The following GPD2 variants were observed in gnomAD, a reference collection of about 807,000 sequenced individuals.
GPD2 encodes glycerol-3-phosphate dehydrogenase 2, also known as glycerol-3-phosphate dehydrogenase, mitochondrial.
GPD2 carries 54 observed loss-of-function variants against 82.4 expected under a neutral mutation model. That is an observed-to-expected ratio of 0.66 (90% CI 0.53 to 0.82). GPD2 has a LOEUF of 0.82. Among genes scored for constraint, GPD2 ranks in the 40% least tolerant of loss-of-function variants. The pLI, the probability that GPD2 is intolerant of heterozygous loss-of-function variation, is 0.00. For synonymous variants in GPD2, 288 were observed against 306.1 expected (o/e 0.94, Z 0.62); for missense variants, 748 against 896.2 (o/e 0.83, Z 2.11).
At chr2:156,428,999 A>G in the GPD2 span, among the ~76,000 whole-genome samples, 1 of 152,226 alleles carries the variant, frequency 6.6e-6, no homozygotes, top group Non-Finnish European at 1.5e-5. Context: ...CTAAGATACA[A>G]CATCCTCACT....
chr2:156,454,629 A>G (rs1457989022), intron 1 of GPD2, among the ~76,000 whole-genome samples: 1 of 152,214 alleles, frequency 6.6e-6, no homozygotes, highest in Non-Finnish European at 1.5e-5. Context: ...GGTGAAAGGA[A>G]CACTCAGAGA....
At chr2:156,446,315 C>T (rs1337237105) in intron 1 of GPD2, among the ~76,000 whole-genome samples, 3 of 151,980 alleles carry the variant, frequency 2.0e-5, no homozygotes, top group Non-Finnish European at 2.9e-5. Flanking sequence ...AGGCTGGTCT[C>T]GAACTCCTGA....
intron 1 of GPD2, among the ~76,000 whole-genome samples, chr2:156,463,716 A>G (rs1043116983): frequency 6.6e-5 from 10 of 152,170 alleles, no homozygotes; most frequent in Admixed American, 6.5e-4. Context: ...TTTTTAATTT[A>G]GAGTTTTGGG....
At chr2:156,546,338 A>G (rs1160147977) in intron 6 of GPD2, among the ~76,000 whole-genome samples, 1 of 152,228 alleles carries the variant, frequency 6.6e-6, no homozygotes, top group African/African-American at 2.4e-5. Flanking sequence ...TTCCAATGGC[A>G]TGCAGTGTTG....
the GPD2 span, among the ~76,000 whole-genome samples, chr2:156,407,689 C>T: frequency 6.6e-6 from 1 of 152,106 alleles, no homozygotes; most frequent in Non-Finnish European, 1.5e-5. Flanking sequence ...TGTTTCTAAT[C>T]TTTTGCTAGT....
chr2:156,435,981 C>G (rs1056302118), upstream of GPD2, among the ~76,000 whole-genome samples: 1 of 152,206 alleles, frequency 6.6e-6, no homozygotes, highest in African/African-American at 2.4e-5. Flanking sequence ...GGGCGGAGGT[C>G]TGGAGTCCGG....
At chr2:156,525,540 G>A (rs1365158506) in intron 6 of GPD2, among the ~76,000 whole-genome samples, 1 of 152,120 alleles carries the variant, frequency 6.6e-6, no homozygotes, top group Non-Finnish European at 1.5e-5. Context: ...ATTATGTGAA[G>A]AAGAAAAACA....
At chr2:156,450,686 G>A (rs1396178422) in intron 1 of GPD2, among the ~76,000 whole-genome samples, 328 of 7,450 alleles carry the variant, frequency 0.044, 14 homozygotes, top group Non-Finnish European at 0.085. Context: ...TTTTTTTATT[G>A]CTCATTCTTG....
chr2:156,518,403 T>C (rs1272147080), intron 6 of GPD2, among the ~76,000 whole-genome samples: 2 of 152,210 alleles, frequency 1.3e-5, no homozygotes, highest in Non-Finnish European at 2.9e-5. Flanking sequence ...GGTGCTTGAC[T>C]AGGCTGACTT....
intron 6 of GPD2, among the ~76,000 whole-genome samples, chr2:156,544,188 G>C (rs115064554): frequency 0.015 from 2,312 of 152,274 alleles, 67 homozygotes; most frequent in African/African-American, 0.052. Context: ...GGTGTTGGCT[G>C]TCTGTCAGCT....
intron 2 of GPD2, among the ~76,000 whole-genome samples, chr2:156,483,146 A>T (rs71419097): frequency 6.6e-6 from 1 of 152,106 alleles, no homozygotes; most frequent in Non-Finnish European, 1.5e-5. Flanking sequence ...AAACAAAAAT[A>T]ACAAAAAAGA....
intron 6 of GPD2, among the ~76,000 whole-genome samples, chr2:156,541,820 G>GTTTTTTTTTTTT (rs1397587048): frequency 5.9e-5 from 2 of 33,704 alleles, no homozygotes; most frequent in Non-Finnish European, 6.0e-5. Context: ...ATAAAATGCT[G>GTTTTTTTTTTTT]TTTGTTTTTT....
chr2:156,451,689 G>C (rs1482867291), intron 1 of GPD2, among the ~76,000 whole-genome samples: 1 of 142,786 alleles, frequency 7.0e-6, no homozygotes, highest in African/African-American at 2.6e-5. Context: ...CTGGCAGGGC[G>C]GGGGGCTGAC....
At chr2:156,449,238 T>A (rs553120443) in intron 1 of GPD2, among the ~76,000 whole-genome samples, 1 of 152,266 alleles carries the variant, frequency 6.6e-6, no homozygotes, top group African/African-American at 2.4e-5. Flanking sequence ...TTTAACCTAC[T>A]GCAGTGAAGG....
At chr2:156,569,574 C>T (rs1173876779) in intron 11 of GPD2, 36 bp downstream of exon 11, 1 of 1,510,014 alleles carries the variant, frequency 6.6e-7, no homozygotes, top group Non-Finnish European at 9.2e-7. Flanking sequence ...TACTCTTTAC[C>T]TAATCTCTCA....
chr2:156,479,571 G>T (rs535659158), intron 2 of GPD2, among the ~76,000 whole-genome samples: 1 of 152,308 alleles, frequency 6.6e-6, no homozygotes, highest in Non-Finnish European at 1.5e-5. Context: ...GAATGTGAGG[G>T]TTGTTATAGC....
chr2:156,503,597 A>G (rs1159979112), intron 3 of GPD2, among the ~76,000 whole-genome samples: 1 of 152,190 alleles, frequency 6.6e-6, no homozygotes, highest in East Asian at 1.9e-4. Context: ...TTGAAAAGAG[A>G]TAGATGTATA....
intron 9 of GPD2, among the ~76,000 whole-genome samples, chr2:156,567,424 A>C (rs769959526): frequency 2.6e-5 from 4 of 152,078 alleles, no homozygotes; most frequent in Non-Finnish European, 5.9e-5. Flanking sequence ...GTGGAGATCC[A>C]GTTTTCCCAT....
intron 1 of GPD2, among the ~76,000 whole-genome samples, chr2:156,453,282 T>A (rs1452748857): frequency 1.3e-5 from 2 of 151,982 alleles, no homozygotes; most frequent in East Asian, 3.9e-4. Context: ...AAGGGAGAAA[T>A]TACAGTGATG....
Sources: gnomAD v4.1 joint callset for allele counts (sites outside exome capture counted in the v4.1 genomes callset) on GRCh38, gnomAD v4.1.1 for gene constraint, MANE v1.5 for transcripts, NCBI Gene and HGNC (gene_info 2026-07-23, HGNC 2026-07-21) for gene names.